EPHA6: variants seen among roughly 807,000 people sequenced by gnomAD.
EPHA6 encodes EPH receptor A6, also known as ephrin type-A receptor 6.
In EPHA6, 50 loss-of-function variants were observed where a neutral mutation model predicts 112.0. The observed-to-expected ratio is 0.45, with a 90% CI of 0.36 to 0.56. The LOEUF (loss-of-function observed/expected upper bound fraction) is 0.56, where lower values mean the gene tolerates loss of function less well. Among genes scored for constraint, EPHA6 ranks in the 20% least tolerant of loss-of-function variants. The pLI, the probability that EPHA6 is intolerant of heterozygous loss-of-function variation, is 0.00. For missense variants in EPHA6, 1,280 were observed against 1,417.4 expected, an observed-to-expected ratio of 0.90 and a Z score of 1.56; for synonymous variants, 529 against 490.7, an observed-to-expected ratio of 1.08 and a Z score of -1.03.
intron 3 of EPHA6, among the ~76,000 whole-genome samples, chr3:97,027,084 T>C (rs2612283): frequency 0.048 from 7,324 of 152,268 alleles, 216 homozygotes; most frequent in Middle Eastern, 0.11. Context: ...GTGGTACATG[T>C]ACACCATGGA....
chr3:97,559,687 G>T, intron 11 of EPHA6: 1 of 449,342 alleles, frequency 2.2e-6, no homozygotes, highest in Non-Finnish European at 4.4e-6. Flanking sequence ...TAGAGCTAAT[G>T]TGTATGCTGT....
chr3:96,964,632 T>A (rs2042057847), intron 2 of EPHA6, among the ~76,000 whole-genome samples: 1 of 152,198 alleles, frequency 6.6e-6, no homozygotes, highest in Non-Finnish European at 1.5e-5. Flanking sequence ...TTTCACTGTT[T>A]AGATCCACTA....
At chr3:97,209,812 C>T (rs1559800062) in intron 3 of EPHA6, among the ~76,000 whole-genome samples, 1 of 152,134 alleles carries the variant, frequency 6.6e-6, no homozygotes, top group African/African-American at 2.4e-5. Flanking sequence ...GTATGTGATA[C>T]TTTCAGCAGT....
intron 2 of EPHA6, among the ~76,000 whole-genome samples, chr3:96,923,175 C>G (rs1030540619): frequency 6.6e-5 from 10 of 152,112 alleles, no homozygotes; most frequent in African/African-American, 2.4e-4. Flanking sequence ...ATTGCTGGAT[C>G]AAATGGTATT....
At chr3:97,176,315 A>T (rs879295008) in intron 3 of EPHA6, among the ~76,000 whole-genome samples, 1 of 151,530 alleles carries the variant, frequency 6.6e-6, no homozygotes, top group Admixed American at 6.6e-5. Context: ...TTAGTTGAGG[A>T]TTTTTTCATC....
At chr3:96,934,632 C>A (rs2040490267) in intron 2 of EPHA6, among the ~76,000 whole-genome samples, 1 of 151,012 alleles carries the variant, frequency 6.6e-6, no homozygotes, top group South Asian at 2.1e-4. Context: ...TGATTGGGTA[C>A]AGGAATATTT....
chr3:97,244,037 A>G lies in EPHA6; in HGVS notation c.1356A>G (p.Gly452=). The change falls in exon 5 of 18, where the codon GGA becomes GGG. Residue 452 remains glycine (G), a synonymous_variant. Coordinates refer to ENST00000389672, the MANE Select transcript of EPHA6 (RefSeq NM_001080448.3). ...AATGGAGCCCACCAAGTGACACAGG[A>G]GGGAGAAAAGATCTCACATACAGTG... ...ILEWSPPSDT[G]GRKDLTYSVI... is the part of the protein sequence containing the mutation. The G allele has an allele frequency of 6.2e-7, 1 of 1,612,670 alleles. No homozygotes were observed. Among genetic ancestry groups the G allele is most frequent in the Non-Finnish European group, 8.5e-7 (1 of 1,179,200 alleles).
At chr3:97,130,538 C>A (rs1215290162) in intron 3 of EPHA6, among the ~76,000 whole-genome samples, 3 of 152,012 alleles carry the variant, frequency 2.0e-5, no homozygotes, top group Admixed American at 1.3e-4. Context: ...TGTCATTTTT[C>A]TGCACCTGTT....
At chr3:96,960,323 G>A (rs564438530) in intron 2 of EPHA6, among the ~76,000 whole-genome samples, 2 of 152,150 alleles carry the variant, frequency 1.3e-5, no homozygotes, top group African/African-American at 2.4e-5. Flanking sequence ...TCTTATTTCT[G>A]GGCATGTCAT....
intron 3 of EPHA6, among the ~76,000 whole-genome samples, chr3:97,106,414 A>C (rs954520698): frequency 1.3e-5 from 2 of 152,082 alleles, no homozygotes; most frequent in African/African-American, 4.8e-5. Flanking sequence ...TTTTATTATA[A>C]TATCTCCAAA....
At chr3:96,948,109 C>G (rs2041364000) in intron 2 of EPHA6, among the ~76,000 whole-genome samples, 1 of 152,002 alleles carries the variant, frequency 6.6e-6, no homozygotes, top group South Asian at 2.1e-4. Context: ...GATATTTTCC[C>G]CAACTATTTT....
intron 2 of EPHA6, among the ~76,000 whole-genome samples, chr3:96,902,427 A>C (rs1283408705): frequency 6.6e-6 from 1 of 152,160 alleles, no homozygotes; most frequent in Non-Finnish European, 1.5e-5. Context: ...CTGGAGGGGC[A>C]AAAGGGAAAG....
At chr3:96,985,856 A>G (rs921835210) in intron 2 of EPHA6, among the ~76,000 whole-genome samples, 2 of 152,204 alleles carry the variant, frequency 1.3e-5, no homozygotes, top group African/African-American at 4.8e-5. Context: ...ATACTATACT[A>G]GTGAAACTCA....
Position 97,748,464 on chromosome 3 carries a change from T to A in EPHA6, c.3279-123T>A. ...TGGCAGAGTGCTTATTTAATATATT[T>A]AAATATTCACTTTATCTTGCATGCT... On this transcript the variant is annotated intron_variant, in intron 17 of 17. Transcript: ENST00000389672. The A allele has an allele frequency of 3.5e-5, 22 of 627,222 alleles. No homozygotes were observed. In the South Asian group the frequency reaches 4.3e-4, roughly 12 times the overall value. The allele number at this position is 627,222 out of a possible 1,614,324, so 38.9% of individuals were successfully genotyped here.
At chr3:96,841,534 G>A (rs1463438847) in intron 1 of EPHA6, among the ~76,000 whole-genome samples, 1 of 152,024 alleles carries the variant, frequency 6.6e-6, no homozygotes, top group Admixed American at 6.6e-5. Context: ...AGAAATGGGT[G>A]TGTTACATTA....
At chr3:97,134,870 G>A (rs1371256860) in intron 3 of EPHA6, among the ~76,000 whole-genome samples, 1 of 152,026 alleles carries the variant, frequency 6.6e-6, no homozygotes, top group Non-Finnish European at 1.5e-5. Context: ...AGTTTGTCTA[G>A]GTGTGGTGTC....
intron 2 of EPHA6, among the ~76,000 whole-genome samples, chr3:96,881,630 C>T (rs1447737205): frequency 6.6e-6 from 1 of 152,166 alleles, no homozygotes; most frequent in Non-Finnish European, 1.5e-5. Context: ...CTTCACACTT[C>T]AAAACCAATC....
intron 5 of EPHA6, among the ~76,000 whole-genome samples, chr3:97,282,869 T>C (rs1037858096): frequency 6.6e-6 from 1 of 152,120 alleles, no homozygotes; most frequent in African/African-American, 2.4e-5. Context: ...TTAGGATAAA[T>C]AGCTAATGCA....
intron 5 of EPHA6, among the ~76,000 whole-genome samples, chr3:97,267,241 A>G (rs142873545): frequency 1.3e-5 from 2 of 151,772 alleles, no homozygotes; most frequent in African/African-American, 2.4e-5. Context: ...TTCTCTTATT[A>G]TTTTTTTCCA....
Sources: gnomAD v4.1 joint callset for allele counts (sites outside exome capture counted in the v4.1 genomes callset) on GRCh38, gnomAD v4.1.1 for gene constraint, MANE v1.5 for transcripts, NCBI Gene and HGNC (gene_info 2026-07-23, HGNC 2026-07-21) for gene names.